PCDHGB4: variants seen among roughly 807,000 people sequenced by gnomAD.
PCDHGB4 encodes protocadherin gamma subfamily B, 4.
A neutral mutation model predicts 60.5 loss-of-function variants in PCDHGB4; 38 were observed. The ratio of observed to expected loss-of-function variants is 0.63; its 90% confidence interval spans 0.48 to 0.82. The LOEUF (loss-of-function observed/expected upper bound fraction) is 0.82. Among genes scored for constraint, PCDHGB4 ranks in the 40% least tolerant of loss-of-function variants. The pLI is 0.00. For synonymous variants in PCDHGB4, 456 were observed against 509.7 expected, an observed-to-expected ratio of 0.89 and a Z score of 1.42; for missense variants, 1,109 against 1,209.6, an observed-to-expected ratio of 0.92 and a Z score of 1.23.
At chr5:141,405,448 C>G in intron 1 of PCDHGB4, 1 of 1,314,742 alleles carries the variant, frequency 7.6e-7, no homozygotes, top group Non-Finnish European at 1.1e-6. Context: ...GAGACAGAGT[C>G]TTACTCTGTT....
chr5:141,484,242 A>G (rs995022030), intron 1 of PCDHGB4, among the ~76,000 whole-genome samples: 1 of 152,216 alleles, frequency 6.6e-6, no homozygotes, highest in African/African-American at 2.4e-5. Flanking sequence ...TCTGGTCCTT[A>G]GCACCTCCCA....
chr5:141,477,901 C>T lies in PCDHGB4; in HGVS notation c.2398-16906C>T, dbSNP rs2099423750. ...GCCACCTAGTGTCACGGGTGGTAGG[C>T]TGGGACGCGGATGCAGGGCACAATG... On this transcript the variant is annotated intron_variant, in intron 1 of 3. Transcript: ENST00000519479. The surrounding 1 kb of genome is among the most constrained non-coding windows in gnomAD (Gnocchi z 4.9). The T allele has an allele frequency of 1.9e-6, 3 of 1,614,188 alleles. No homozygotes were observed. The highest frequency in any genetic ancestry group is 2.5e-6 in the Non-Finnish European group (3 of 1,180,042).
Position 141,432,427 on chromosome 5 carries a change from C to T in PCDHGB4, c.2397+42146C>T, listed in dbSNP as rs775150918. 2.2e-5 allele frequency: 36 copies of T among 1,614,124 alleles called. No homozygotes were observed. The highest frequency in any genetic ancestry group is 3.1e-5 in the Non-Finnish European group (36 of 1,180,044). ...TGAGCCTGTTCGTGCTGGACCAGAA[C>T]GACAATGCGCCCGAGATCCTGTACC... On this transcript the variant is annotated intron_variant, in intron 1 of 3. Transcript: ENST00000519479. This position sits in a 1 kb window ranked among gnomAD's most constrained non-coding sequence, Gnocchi z 6.0.
chr5:141,408,559 C>T (rs1490844526), intron 1 of PCDHGB4: 3 of 1,614,000 alleles, frequency 1.9e-6, no homozygotes, highest in Non-Finnish European at 2.5e-6. Flanking sequence ...TTTTTCATGT[C>T]ATTGTGGTGA....
At chr5:141,460,829 A>C (rs1242954704) in intron 1 of PCDHGB4, among the ~76,000 whole-genome samples, 1 of 151,944 alleles carries the variant, frequency 6.6e-6, no homozygotes, top group African/African-American at 2.4e-5. Flanking sequence ...ATACACACTT[A>C]AAGTAATGGC....
At chr5:141,400,999 TCCTA>T (rs1239504565) in intron 1 of PCDHGB4, among the ~76,000 whole-genome samples, 2 of 152,226 alleles carry the variant, frequency 1.3e-5, no homozygotes, top group African/African-American at 2.4e-5. Flanking sequence ...GCTTTCTTAT[TCCTA>T]CCTAATGGAT....
chr5:141,422,087 G>A, intron 1 of PCDHGB4: 6 of 1,611,966 alleles, frequency 3.7e-6, no homozygotes, highest in Non-Finnish European at 5.1e-6. Context: ...AACATGGAAA[G>A]CAAGGCTTCT....
In PCDHGB4 at chr5:141,476,343, T is replaced by A; in HGVS notation, c.2398-18464T>A. 1 of 1,614,012 alleles carries A rather than the reference T, an allele frequency of 6.2e-7. No individual in the cohort carries two copies. The highest frequency in any genetic ancestry group is 1.3e-5 in the African/African-American group (1 of 74,984). ...GTGGTGTCTGGAGCTAGCCGAAGAT[T>A]CTTTGAGGTGAACCGGGAGACCGGA... On this transcript the variant is annotated intron_variant, in intron 1 of 3. Transcript: ENST00000519479. This position sits in a 1 kb window ranked among gnomAD's most constrained non-coding sequence, Gnocchi z 7.6.
In PCDHGB4 at chr5:141,477,157, CA is replaced by C. The variant is rs1240879989; in HGVS notation, c.2398-17648del. 2.5e-6 allele frequency: 4 copies of C among 1,614,064 alleles called. No homozygotes were observed. Among genetic ancestry groups the C allele is most frequent in the Non-Finnish European group, 3.4e-6 (4 of 1,180,046 alleles). ...TGGTGGAGGTTGTGGATGTGAATGACAACGCCCCGGAGATCACAGTCACCTC... is the reference window on the plus strand; with the variant it reads ...TGGTGGAGGTTGTGGATGTGAATGACACGCCCCGGAGATCACAGTCACCTC... On this transcript the variant is annotated intron_variant, in intron 1 of 3. Coordinates refer to ENST00000519479, the MANE Select transcript of PCDHGB4 (RefSeq NM_003736.4). This position sits in a 1 kb window ranked among gnomAD's most constrained non-coding sequence, Gnocchi z 4.9.
At chr5:141,420,101 T>C (rs1160215468) in intron 1 of PCDHGB4, 1 of 1,613,928 alleles carries the variant, frequency 6.2e-7, no homozygotes, top group Non-Finnish European at 8.5e-7. Flanking sequence ...TGAGGGAACG[T>C]TGCCCTATGC....
At chr5:141,416,217 G>A (rs1224952837) in intron 1 of PCDHGB4, 1 of 152,288 alleles carries the variant, frequency 6.6e-6, no homozygotes, top group Non-Finnish European at 1.5e-5. Flanking sequence ...AACAATGTAT[G>A]CTTAGATTTT....
chr5:141,494,926 G>T, intron 2 of PCDHGB4, 61 bp downstream of exon 2: 1 of 1,613,498 alleles, frequency 6.2e-7, no homozygotes, highest in Non-Finnish European at 8.5e-7. Flanking sequence ...GGATGACGTG[G>T]GAGGAGATGG....
At position 141,477,115 on chromosome 5, in the gene PCDHGB4, A is replaced by T. The variant is rs1218111107; in HGVS notation, c.2398-17692A>T. On this transcript the variant is annotated intron_variant, in intron 1 of 3. Coordinates refer to ENST00000519479, the MANE Select transcript of PCDHGB4 (RefSeq NM_003736.4). The surrounding 1 kb of genome is among the most constrained non-coding windows in gnomAD (Gnocchi z 4.9). Reference sequence around the variant, plus strand: ...AAGACAAGGGCGCCAATCCCGAAGGAGCACATTGCAAAGTGTTGGTGGAGG... The same window carrying T: ...AAGACAAGGGCGCCAATCCCGAAGGTGCACATTGCAAAGTGTTGGTGGAGG... The T allele has an allele frequency of 6.2e-7, 1 of 1,614,230 alleles. No individual in the cohort carries two copies. Among genetic ancestry groups the T allele is most frequent in the Non-Finnish European group, 8.5e-7 (1 of 1,180,038 alleles).
At chr5:141,401,667 C>T (rs539975682) in intron 1 of PCDHGB4, among the ~76,000 whole-genome samples, 1 of 152,340 alleles carries the variant, frequency 6.6e-6, no homozygotes, top group South Asian at 2.1e-4. Context: ...GTTTTCTCAA[C>T]ATCCTTGTAG....
chr5:141,431,547 T>TA lies in PCDHGB4; in HGVS notation c.2397+41267dup. On this transcript the variant is annotated intron_variant, in intron 1 of 3. Transcript: ENST00000519479. The surrounding 1 kb of genome is among the most constrained non-coding windows in gnomAD (Gnocchi z 4.8). ...CTGGCCTTGGGCACGCAGCTGCTTG[T>TA]AGTCAACGCTACCGACCCTGACGAA... 6.2e-7 allele frequency: 1 copy of TA among 1,614,096 alleles called. No individual in the cohort carries two copies. The highest frequency in any genetic ancestry group is 8.5e-7 in the Non-Finnish European group (1 of 1,180,022).
intron 1 of PCDHGB4, chr5:141,475,916 G>C (rs1396506642): frequency 1.7e-6 from 1 of 595,408 alleles, no homozygotes; most frequent in Non-Finnish European, 2.9e-6. Flanking sequence ...CAATGAAGAC[G>C]CTGGAGATCG....
At chr5:141,450,152 A>G (rs958894990) in intron 1 of PCDHGB4, among the ~76,000 whole-genome samples, 1 of 151,132 alleles carries the variant, frequency 6.6e-6, no homozygotes, top group East Asian at 2.0e-4. Context: ...GACTACAGGC[A>G]TGTGCCACCA....
intron 1 of PCDHGB4, among the ~76,000 whole-genome samples, chr5:141,446,777 CT>C (rs1480571336): frequency 6.6e-6 from 1 of 152,072 alleles, no homozygotes; most frequent in South Asian, 2.1e-4. Context: ...GGTTACCATT[CT>C]TTTACTCTGA....
chr5:141,466,683 A>G (rs1347308492), intron 1 of PCDHGB4, among the ~76,000 whole-genome samples: 1 of 152,170 alleles, frequency 6.6e-6, no homozygotes, highest in African/African-American at 2.4e-5. Context: ...CTTCCACTCA[A>G]GCTTCATCAT....
Sources: allele counts gnomAD v4.1 joint callset (sites outside exome capture counted in the v4.1 genomes callset), GRCh38; gene constraint gnomAD v4.1.1; non-coding constraint Gnocchi (gnomAD v3.1); transcripts MANE v1.5; gene names NCBI Gene and HGNC (gene_info 2026-07-23, HGNC 2026-07-21).